The following HEPACAM variants were observed in gnomAD, a reference collection of about 807,000 sequenced individuals.
The protein encoded by HEPACAM is hepatic and glial cell adhesion molecule.
A neutral mutation model predicts 38.3 loss-of-function variants in HEPACAM; 18 were observed. The observed-to-expected ratio is 0.47, with a 90% CI of 0.33 to 0.70. The LOEUF is 0.70. Among genes scored for constraint, HEPACAM ranks in the 30% least tolerant of loss-of-function variants. The pLI is 0.03. For missense variants in HEPACAM, 466 were observed against 563.0 expected (o/e 0.83, Z 1.74); for synonymous variants, 216 against 243.1 (o/e 0.89, Z 1.04).
chr11:124,928,990 G>A (rs1026896486), intron 1 of HEPACAM, among the ~76,000 whole-genome samples: 4 of 152,146 alleles, frequency 2.6e-5, no homozygotes, highest in Non-Finnish European at 5.9e-5. Flanking sequence ...CAGGTGTAAT[G>A]TCCCCAAGCA....
intron 1 of HEPACAM, 46 bp downstream of exon 1, chr11:124,935,876 C>A (rs1447488460): frequency 1.3e-6 from 2 of 1,554,758 alleles, no homozygotes; most frequent in African/African-American, 2.7e-5. Flanking sequence ...GCTGTAAAAG[C>A]CCCGGGTCCT....
At chr11:124,922,502 C>G (rs765281650) in intron 5 of HEPACAM, 44 bp from the exon 6 acceptor site, 1 of 1,605,912 alleles carries the variant, frequency 6.2e-7, no homozygotes, top group East Asian at 2.2e-5. Flanking sequence ...GGTACAGACT[C>G]TCCCCACCAG....
chr11:124,919,673 G>A lies in HEPACAM; in HGVS notation c.*1465C>T. The A allele has an allele frequency of 6.7e-7, 1 of 1,502,280 alleles. No homozygotes were observed. The highest frequency in any genetic ancestry group is 1.4e-5 in the African/African-American group (1 of 72,646). 93.1% of individuals were successfully genotyped at this position (1,502,280 alleles called of 1,614,324 possible). A position where few individuals can be genotyped will look rare whatever the true frequency, so the allele number is the denominator to read the frequency against. On this transcript the variant is annotated 3_prime_UTR_variant, in exon 7 of 7. Transcript: ENST00000298251. The stretch of plus-strand genomic sequence containing the variant: ...AGGGAGCTGAGACAGGCATGCTGTG[G>A]GGTTCAGGGCAGAGGGGGCAAACTA...
intron 1 of HEPACAM, among the ~76,000 whole-genome samples, chr11:124,932,742 C>T (rs1029017926): frequency 1.3e-5 from 2 of 152,120 alleles, no homozygotes; most frequent in Admixed American, 6.6e-5. Context: ...GCAAGTGATA[C>T]GTATCACTTA....
chr11:124,927,213 A>C (rs1165865388), intron 1 of HEPACAM, among the ~76,000 whole-genome samples: 2 of 152,164 alleles, frequency 1.3e-5, no homozygotes, highest in Admixed American at 1.3e-4. Context: ...TTTGCTAAGT[A>C]GTGAGCTCCT....
chr11:124,933,968 T>C (rs1947312791), intron 1 of HEPACAM, among the ~76,000 whole-genome samples: 1 of 152,196 alleles, frequency 6.6e-6, no homozygotes, highest in African/African-American at 2.4e-5. Flanking sequence ...TTCATTTTCA[T>C]CCCACGTTTT....
Position 124,922,435 on chromosome 11 carries a change from C to T in HEPACAM, c.901G>A (p.Glu301Lys), listed in dbSNP as rs1947152234. The T allele has an allele frequency of 6.2e-7, 1 of 1,614,172 alleles. No homozygotes were observed. Among genetic ancestry groups the T allele is most frequent in the Non-Finnish European group, 8.5e-7 (1 of 1,180,016 alleles). Reference sequence around the variant, plus strand: ...GCCATGGGGTTCTTCCGTTCCTGCTCACCACTTCGAGGGAGGGTGTCTGCT... The same window carrying T: ...GCCATGGGGTTCTTCCGTTCCTGCTTACCACTTCGAGGGAGGGTGTCTGCT... ...PEADTLPRSGEQERKNPMALY... is the reference protein window; with the variant it reads ...PEADTLPRSGKQERKNPMALY... The change falls in exon 6 of 7, where the codon GAG (glutamate) becomes AAG (lysine). Residue 301 changes from glutamate to lysine, a missense_variant. Physicochemically the swap from Glu to Lys is moderately conservative, Grantham distance 56. Coordinates refer to ENST00000298251, the MANE Select transcript of HEPACAM (RefSeq NM_152722.5).
rs1591547659 is a variant in HEPACAM, at chr11:124,922,286, C to T, written c.948+102G>A. On this transcript the variant is annotated intron_variant, in intron 6 of 6. Transcript: ENST00000298251. ...TCCCTGGTGCCAAAACCGTTGGGGA[C>T]TGCTGCTATAAAGGGATAGGAATAT... is the stretch of plus-strand genomic sequence containing the variant. 1.3e-5 allele frequency: 16 copies of T among 1,249,324 alleles called. 1 individual carries two copies. The East Asian group carries it at 3.7e-4, about 29-fold the overall frequency. The allele number at this position is 1,249,324 out of a possible 1,614,324, so 77.4% of individuals were successfully genotyped here.
chr11:124,925,800 G>T (rs1368611981), intron 1 of HEPACAM, among the ~76,000 whole-genome samples: 1 of 152,128 alleles, frequency 6.6e-6, no homozygotes, highest in African/African-American at 2.4e-5. Flanking sequence ...ATTTGCGATG[G>T]GTAGAACAAA....
intron 1 of HEPACAM, among the ~76,000 whole-genome samples, chr11:124,925,897 A>C (rs995558679): frequency 6.6e-6 from 1 of 152,170 alleles, no homozygotes; most frequent in Non-Finnish European, 1.5e-5. Flanking sequence ...TCTCATTTGT[A>C]AAATAAGGAT....
At position 124,921,960 on chromosome 11, in the gene HEPACAM, T is replaced by G. The variant is rs1235705327; in HGVS notation, c.948+428A>C. Among the ~76,000 whole-genome samples, 2 of 152,232 alleles carry G rather than the reference T, an allele frequency of 1.3e-5. No homozygotes were observed. Among genetic ancestry groups the G allele is most frequent in the East Asian group, 3.8e-4 (2 of 5,198 alleles). On this transcript the variant is annotated intron_variant, in intron 6 of 6. Transcript: ENST00000298251. The surrounding 1 kb of genome is among the most constrained non-coding windows in gnomAD (Gnocchi z 4.6). ...GGACTGGTACTGGTCCATAGCCTGT[T>G]AGGAAGGGAGCGGCAGAGCAGGAGG...
intron 3 of HEPACAM, 137 bp from the exon 4 acceptor site, chr11:124,923,570 A>G: frequency 9.0e-7 from 1 of 1,108,576 alleles, no homozygotes. Flanking sequence ...TGGAGCTTGT[A>G]CAGAACCCAC....
chr11:124,920,537 C>G lies in HEPACAM; in HGVS notation c.*601G>C, dbSNP rs1947114396. Reference sequence around the variant, plus strand: ...CACCACCTTGTAGGTCCCCAGGTACCAGGTGCCCAGGGAAGAAGGCCTTCA... The same window carrying G: ...CACCACCTTGTAGGTCCCCAGGTACGAGGTGCCCAGGGAAGAAGGCCTTCA... On this transcript the variant is annotated 3_prime_UTR_variant, in exon 7 of 7. Coordinates refer to ENST00000298251, the MANE Select transcript of HEPACAM (RefSeq NM_152722.5). The G allele has an allele frequency of 1.4e-6, 2 of 1,412,706 alleles. No individual in the cohort carries two copies. Among genetic ancestry groups the G allele is most frequent in the Admixed American group, 4.8e-5 (2 of 41,846 alleles). 87.5% of individuals were successfully genotyped at this position (1,412,706 alleles called of 1,614,324 possible). A position where few individuals can be genotyped will look rare whatever the true frequency, so the allele number is the denominator to read the frequency against.
Position 124,921,034 on chromosome 11 carries a change from C to T in HEPACAM, c.*104G>A. The T allele has an allele frequency of 1.4e-6, 2 of 1,407,238 alleles. No individual in the cohort carries two copies. The highest frequency in any genetic ancestry group is 1.8e-6 in the Non-Finnish European group (2 of 1,083,332). The allele number at this position is 1,407,238 out of a possible 1,614,324, so 87.2% of individuals were successfully genotyped here. The stretch of plus-strand genomic sequence containing the variant: ...CGAGACACCAGCGCCCCCCCGGGAC[C>T]TCCCCTCGTCCCCAGCGCGCCGCGC... On this transcript the variant is annotated 3_prime_UTR_variant, in exon 7 of 7. Coordinates refer to ENST00000298251, the MANE Select transcript of HEPACAM (RefSeq NM_152722.5). This position sits in a 1 kb window ranked among gnomAD's most constrained non-coding sequence, Gnocchi z 4.6.
At position 124,920,804 on chromosome 11, in the gene HEPACAM, A is replaced by T; in HGVS notation, c.*334T>A. On this transcript the variant is annotated 3_prime_UTR_variant, in exon 7 of 7. Coordinates refer to ENST00000298251, the MANE Select transcript of HEPACAM (RefSeq NM_152722.5). ...AGAGCACAGGATAGTCACGGGGGTT[A>T]GGTTACTGATGTTAGTTTCCATAAA... 4 of 1,104,194 alleles carry T rather than the reference A, an allele frequency of 3.6e-6. No homozygotes were observed. The highest frequency in any genetic ancestry group is 4.4e-6 in the Non-Finnish European group (4 of 906,530). 68.4% of individuals were successfully genotyped at this position (1,104,194 alleles called of 1,614,324 possible).
rs1307108840 is a variant in HEPACAM, at chr11:124,921,374, C to G, written c.1015G>C (p.Gly339Arg). 28 of 1,271,488 alleles carry G rather than the reference C, an allele frequency of 2.2e-5. No homozygotes were observed. Among genetic ancestry groups the G allele is most frequent in the African/African-American group, 4.6e-5 (3 of 64,826 alleles). The allele number at this position is 1,271,488 out of a possible 1,614,324, so 78.8% of individuals were successfully genotyped here. ...GGCACGGCGGGAGACACGGAGTAGC[C>G]GGGCGGGCCGGGCTCCGTCGCGCTT... is the stretch of plus-strand genomic sequence containing the variant. ...PRSATEPGPP[G>R]YSVSPAVPGR... The change falls in exon 7 of 7, where the codon GGC becomes CGC. Residue 339 changes from glycine to arginine, a missense_variant. Gly to Arg is a moderately radical substitution (Grantham distance 125). Transcript: ENST00000298251. This position sits in a 1 kb window ranked among gnomAD's most constrained non-coding sequence, Gnocchi z 4.6.
At position 124,921,470 on chromosome 11, in the gene HEPACAM, G is replaced by A. The variant is rs1330514650; in HGVS notation, c.949-30C>T. On this transcript the variant is annotated intron_variant, in intron 6 of 6. Transcript: ENST00000298251. This position sits in a 1 kb window ranked among gnomAD's most constrained non-coding sequence, Gnocchi z 4.6. Reference sequence around the variant, plus strand: ...AAGGACACGCGCCGCAGGGGTCAGGGGACAGTCAGCCCAGCCTGGGAGCGC... The same window carrying A: ...AAGGACACGCGCCGCAGGGGTCAGGAGACAGTCAGCCCAGCCTGGGAGCGC... 1.6e-6 allele frequency: 2 copies of A among 1,237,978 alleles called. No individual in the cohort carries two copies. The highest frequency in any genetic ancestry group is 2.0e-6 in the Non-Finnish European group (2 of 985,674). 76.7% of individuals were successfully genotyped at this position (1,237,978 alleles called of 1,614,324 possible). A position where few individuals can be genotyped will look rare whatever the true frequency, so the allele number is the denominator to read the frequency against.
intron 1 of HEPACAM, among the ~76,000 whole-genome samples, chr11:124,928,603 A>T (rs892863980): frequency 2.0e-5 from 3 of 152,126 alleles, no homozygotes; most frequent in African/African-American, 7.2e-5. Context: ...CTTATGACAA[A>T]CCTGCCTCCC....
rs770293552 is a variant in HEPACAM, at chr11:124,921,446, A to G, written c.949-6T>C. ...TCCTCGGTCTCCGGGGAGTCCTGCA[A>G]GGACACGCGCCGCAGGGGTCAGGGG... On this transcript the variant is annotated splice_region_variant and splice_polypyrimidine_tract_variant and intron_variant, in intron 6 of 6. Coordinates refer to ENST00000298251, the MANE Select transcript of HEPACAM (RefSeq NM_152722.5). The surrounding 1 kb of genome is among the most constrained non-coding windows in gnomAD (Gnocchi z 4.6). 3 of 1,264,612 alleles carry G rather than the reference A, an allele frequency of 2.4e-6. No homozygotes were observed. Among genetic ancestry groups the G allele is most frequent in the Non-Finnish European group, 9.9e-7 (1 of 1,007,408 alleles). 78.3% of individuals were successfully genotyped at this position (1,264,612 alleles called of 1,614,324 possible).
Sources: gnomAD v4.1 joint callset for allele counts (sites outside exome capture counted in the v4.1 genomes callset) on GRCh38, gnomAD v4.1.1 for gene constraint, Gnocchi (gnomAD v3.1) non-coding constraint, MANE v1.5 for transcripts, NCBI Gene and HGNC (gene_info 2026-07-23, HGNC 2026-07-21) for gene names.